Variants in CDH4 observed in about 807,000 individuals in gnomAD.
CDH4 encodes cadherin 4, also known as cadherin-4.
Under a neutral mutation model 86.0 loss-of-function variants are expected in CDH4, and 33 were observed. That is an observed-to-expected ratio of 0.38 (90% CI 0.29 to 0.51). The LOEUF is 0.51. Ranked by LOEUF, CDH4 falls within the 20% of genes least tolerant of loss-of-function variation. The pLI, the probability that CDH4 is intolerant of heterozygous loss-of-function variation, is 0.86. For missense variants in CDH4, 1,114 were observed against 1,307.4 expected, an observed-to-expected ratio of 0.85 and a Z score of 2.28; for synonymous variants, 555 against 549.4, an observed-to-expected ratio of 1.01 and a Z score of -0.14.
In CDH4 at chr20:61,398,546, G is replaced by A. The variant is rs1010372689; in HGVS notation, c.169+143609G>A. 5.3e-5 allele frequency among the ~76,000 whole-genome samples: 8 copies of A among 152,160 alleles called. 1 individual carries two copies. The South Asian group carries it at 8.3e-4, about 16-fold the overall frequency. On this transcript the variant is annotated intron_variant, in intron 2 of 15. Transcript: ENST00000614565. ...CCAGGGAGAGCGGGTGTGGCCCTTC[G>A]AGTCCCAGGGAGTCTCCCGGCGAAA... is the stretch of plus-strand genomic sequence containing the variant.
chr20:61,360,454 T>C (rs1311098489), intron 2 of CDH4, among the ~76,000 whole-genome samples: 2 of 152,202 alleles, frequency 1.3e-5, no homozygotes, highest in Non-Finnish European at 2.9e-5. Context: ...CATGCATTCC[T>C]GGACAGTTGG....
intron 2 of CDH4, among the ~76,000 whole-genome samples, chr20:61,527,525 C>T (rs554861040): frequency 1.3e-5 from 2 of 152,346 alleles, no homozygotes; most frequent in South Asian, 4.1e-4. Context: ...GCTGGGATTA[C>T]AGACATGAGC....
intron 2 of CDH4, among the ~76,000 whole-genome samples, chr20:61,285,309 T>C (rs1308758497): frequency 3.3e-5 from 5 of 152,170 alleles, no homozygotes; most frequent in Non-Finnish European, 1.5e-5. Context: ...AGCTGCCTGC[T>C]CTTGACACTG....
chr20:61,713,780 A>G (rs1283956073), intron 2 of CDH4, among the ~76,000 whole-genome samples: 1 of 152,192 alleles, frequency 6.6e-6, no homozygotes, highest in African/African-American at 2.4e-5. Context: ...TGATACCTCA[A>G]AATGGAAAGT....
chr20:61,656,602 A>G (rs529107838), intron 2 of CDH4, among the ~76,000 whole-genome samples: 2 of 152,136 alleles, frequency 1.3e-5, no homozygotes, highest in South Asian at 4.2e-4. Context: ...TTCTCTAGCT[A>G]TGGTCATAGG....
intron 2 of CDH4, among the ~76,000 whole-genome samples, chr20:61,402,095 T>C (rs1054438125): frequency 6.6e-6 from 1 of 152,200 alleles, no homozygotes; most frequent in Non-Finnish European, 1.5e-5. Flanking sequence ...ATTTTTATAA[T>C]AATGGATATT....
intron 2 of CDH4, among the ~76,000 whole-genome samples, chr20:61,733,602 A>G (rs1178791135): frequency 2.6e-5 from 4 of 152,124 alleles, no homozygotes; most frequent in Admixed American, 1.3e-4. Flanking sequence ...CCCAGCACCC[A>G]GGACGGTACG....
chr20:61,696,173 C>G (rs2087713025), intron 2 of CDH4, among the ~76,000 whole-genome samples: 1 of 152,218 alleles, frequency 6.6e-6, no homozygotes, highest in Non-Finnish European at 1.5e-5. Flanking sequence ...CCCACACATG[C>G]CTTGGTCTAC....
chr20:61,765,111 C>G (rs2088683114), intron 3 of CDH4, among the ~76,000 whole-genome samples: 1 of 152,142 alleles, frequency 6.6e-6, no homozygotes, highest in Non-Finnish European at 1.5e-5. Flanking sequence ...CTTCATCTGC[C>G]CCCTGAGGAA....
rs532472025 is a variant in CDH4 at position 61,868,972 on chromosome 20, C to T, written c.878-4756C>T. Among the ~76,000 whole-genome samples, 749 of 152,158 alleles carry T rather than the reference C, an allele frequency of 4.9e-3. 4 individuals are homozygous for T. The highest frequency in any genetic ancestry group is 8.4e-3 in the Non-Finnish European group (571 of 67,958). ...ACACAAAGCCTCTAGACGTGGCAAA[C>T]GTGGCAGGCTGTGGTGGACACACAC... On this transcript the variant is annotated intron_variant, in intron 6 of 15. Transcript: ENST00000614565.
Position 61,680,888 on chromosome 20 carries a change from C to T in CDH4, c.170-62675C>T, listed in dbSNP as rs1300063829. ...GGACTGGATGGAAGCCAGGGGTGGC[C>T]GCCTGTCTCCAGGATGCACCATTTC... On this transcript the variant is annotated intron_variant, in intron 2 of 15. Transcript: ENST00000614565. Among the ~76,000 whole-genome samples the T allele has an allele frequency of 4.6e-5, 7 of 152,120 alleles. 1 individual carries two copies. The highest frequency in any genetic ancestry group is 1.4e-4 in the African/African-American group (6 of 41,442).
intron 2 of CDH4, among the ~76,000 whole-genome samples, chr20:61,653,494 C>T (rs1384926443): frequency 7.1e-6 from 1 of 141,632 alleles, no homozygotes; most frequent in Non-Finnish European, 1.6e-5. Flanking sequence ...AGGGGCTCCT[C>T]ACTTCCCAGT....
chr20:61,865,954 T>C (rs1231877733), intron 6 of CDH4, among the ~76,000 whole-genome samples: 1 of 152,218 alleles, frequency 6.6e-6, no homozygotes, highest in Non-Finnish European at 1.5e-5. Flanking sequence ...ATTCTATTTT[T>C]ATATTTGATC....
At chr20:61,353,645 CCCTCCTCCT>C (rs2084727473) in intron 2 of CDH4, among the ~76,000 whole-genome samples, 1 of 117,084 alleles carries the variant, frequency 8.5e-6, no homozygotes, top group Non-Finnish European at 1.8e-5. Context: ...CTCCTCTTCC[CCCTCCTCCT>C]CTTCTTCCTC....
At chr20:61,780,960 C>T (rs1373664952) in intron 4 of CDH4, among the ~76,000 whole-genome samples, 1 of 152,190 alleles carries the variant, frequency 6.6e-6, no homozygotes, top group Admixed American at 6.5e-5. Flanking sequence ...TACATAGCCA[C>T]AGATAGGGAC....
intron 3 of CDH4, among the ~76,000 whole-genome samples, chr20:61,763,299 C>G (rs1022869426): frequency 6.6e-6 from 1 of 152,192 alleles, no homozygotes; most frequent in Non-Finnish European, 1.5e-5. Flanking sequence ...GATGGCCCCC[C>G]ACAACTAATA....
At chr20:61,604,555 C>A (rs546024211) in intron 2 of CDH4, among the ~76,000 whole-genome samples, 1 of 152,008 alleles carries the variant, frequency 6.6e-6, no homozygotes, top group South Asian at 2.1e-4. Context: ...TAGAAATCAT[C>A]TCCCCACCTC....
chr20:61,252,912 A>C lies in CDH4; in HGVS notation c.57+342A>C, dbSNP rs911791791. Among the ~76,000 whole-genome samples, 36 of 151,650 alleles carry C rather than the reference A, an allele frequency of 2.4e-4. 1 individual carries two copies. The highest frequency in any genetic ancestry group is 2.4e-3 in the Admixed American group (36 of 15,240). Reference sequence around the variant, plus strand: ...GCTTGCCTGCATGGGGCAGGCTTCCACTGGCGGAGCCGGCGCGCCCTCCAT... The same window carrying C: ...GCTTGCCTGCATGGGGCAGGCTTCCCCTGGCGGAGCCGGCGCGCCCTCCAT... On this transcript the variant is annotated intron_variant, in intron 1 of 15. Transcript: ENST00000614565. This position sits in a 1 kb window ranked among gnomAD's most constrained non-coding sequence, Gnocchi z 4.4.
At chr20:61,744,466 GA>G (rs1338655604) in intron 3 of CDH4, among the ~76,000 whole-genome samples, 1,225 of 36,980 alleles carry the variant, frequency 0.033, 158 homozygotes, top group African/African-American at 0.14. Context: ...GAGAAGGAGG[GA>G]GAGAGATGGA....
Sources: allele counts gnomAD v4.1 joint callset (sites outside exome capture counted in the v4.1 genomes callset), GRCh38; gene constraint gnomAD v4.1.1; non-coding constraint Gnocchi (gnomAD v3.1); transcripts MANE v1.5; gene names NCBI Gene and HGNC (gene_info 2026-07-23, HGNC 2026-07-21).